SLC9A9: variants seen among roughly 807,000 people sequenced by gnomAD.
SLC9A9 encodes solute carrier family 9 member A9, also known as sodium/hydrogen exchanger 9.
A neutral mutation model predicts 77.8 loss-of-function variants in SLC9A9; 62 were observed. That is an observed-to-expected ratio of 0.80 (90% CI 0.65 to 0.98). SLC9A9 has a LOEUF of 0.98. SLC9A9 is among the 50% of genes least tolerant of loss of function. The pLI, the probability that SLC9A9 is intolerant of heterozygous loss-of-function variation, is 0.00. For missense variants in SLC9A9, 775 were observed against 774.9 expected, an observed-to-expected ratio of 1.00 and a Z score of 0.00; for synonymous variants, 320 against 283.5, an observed-to-expected ratio of 1.13 and a Z score of -1.29.
intron 12 of SLC9A9, among the ~76,000 whole-genome samples, chr3:143,455,499 T>C (rs2035075263): frequency 6.6e-6 from 1 of 152,210 alleles, no homozygotes; most frequent in Non-Finnish European, 1.5e-5. Flanking sequence ...CTGGATCAAT[T>C]TACAGAAAAT....
chr3:143,717,885 T>A (rs1934395739), intron 4 of SLC9A9, among the ~76,000 whole-genome samples: 1 of 152,098 alleles, frequency 6.6e-6, no homozygotes, highest in Non-Finnish European at 1.5e-5. Flanking sequence ...GCAAATGGCC[T>A]TGTCCATTTG....
chr3:143,596,753 C>T (rs141056920), intron 6 of SLC9A9, among the ~76,000 whole-genome samples: 2 of 152,256 alleles, frequency 1.3e-5, no homozygotes, highest in African/African-American at 4.8e-5. Flanking sequence ...GCCTCGACCT[C>T]CTGGGCTCAA....
At chr3:143,444,889 T>A (rs1227691676) in intron 12 of SLC9A9, among the ~76,000 whole-genome samples, 2 of 152,242 alleles carry the variant, frequency 1.3e-5, no homozygotes, top group Non-Finnish European at 2.9e-5. Context: ...CTGGCCCATG[T>A]GGGCATTTGT....
chr3:143,371,626 G>A (rs1158670262), intron 13 of SLC9A9, among the ~76,000 whole-genome samples: 2 of 152,076 alleles, frequency 1.3e-5, no homozygotes, highest in Admixed American at 6.6e-5. Context: ...TAAAAAATAT[G>A]GTAGGGAATT....
chr3:143,302,540 GGGA>G (rs2030566985), intron 14 of SLC9A9, among the ~76,000 whole-genome samples: 2 of 152,122 alleles, frequency 1.3e-5, no homozygotes, highest in African/African-American at 4.8e-5. Context: ...TGGAGTGGCG[GGGA>G]GGAGGAGAGA....
At chr3:143,657,648 G>A (rs1310904451) in intron 5 of SLC9A9, among the ~76,000 whole-genome samples, 2 of 152,164 alleles carry the variant, frequency 1.3e-5, no homozygotes, top group African/African-American at 4.8e-5. Context: ...AGCAAGATAT[G>A]AGAATCCAGC....
chr3:143,327,835 G>A (rs1252602744), intron 14 of SLC9A9, among the ~76,000 whole-genome samples: 1 of 152,192 alleles, frequency 6.6e-6, no homozygotes, highest in African/African-American at 2.4e-5. Context: ...AAAAAATCAT[G>A]AGATCATTTT....
chr3:143,783,040 CCTAA>C (rs1359839350), intron 4 of SLC9A9, among the ~76,000 whole-genome samples: 1 of 152,118 alleles, frequency 6.6e-6, no homozygotes, highest in Non-Finnish European at 1.5e-5. Flanking sequence ...TTCATAACCT[CCTAA>C]CTGTTATCTT....
intron 9 of SLC9A9, among the ~76,000 whole-genome samples, chr3:143,544,186 T>C (rs1350231367): frequency 6.6e-6 from 1 of 152,220 alleles, no homozygotes; most frequent in Non-Finnish European, 1.5e-5. Context: ...GAAGTGTCTG[T>C]TCATGTCCTT....
chr3:143,812,128 C>A (rs1350327997), intron 2 of SLC9A9, among the ~76,000 whole-genome samples: 1 of 152,104 alleles, frequency 6.6e-6, no homozygotes, highest in Admixed American at 6.6e-5. Flanking sequence ...TTTACACAAG[C>A]AGAATTAAAT....
intron 6 of SLC9A9, among the ~76,000 whole-genome samples, chr3:143,643,966 T>C (rs1353123695): frequency 7.7e-6 from 1 of 129,506 alleles, no homozygotes; most frequent in Non-Finnish European, 1.7e-5. Flanking sequence ...TGAAATGTTA[T>C]TTTGAGCTAA....
chr3:143,655,042 T>C (rs1008941859), intron 5 of SLC9A9, among the ~76,000 whole-genome samples: 1 of 152,104 alleles, frequency 6.6e-6, no homozygotes. Context: ...TGTGAAGAAA[T>C]GGAATAGTTT....
At chr3:143,507,553 T>C (rs749441846) in intron 9 of SLC9A9, among the ~76,000 whole-genome samples, 2 of 152,204 alleles carry the variant, frequency 1.3e-5, no homozygotes, top group South Asian at 2.1e-4. Context: ...GTGCATTTGT[T>C]ACAATTAATG....
intron 11 of SLC9A9, among the ~76,000 whole-genome samples, chr3:143,490,143 A>G (rs545030795): frequency 5.9e-5 from 9 of 152,310 alleles, no homozygotes; most frequent in African/African-American, 1.9e-4. Flanking sequence ...TAGAATTACT[A>G]TATGACCCAG....
At chr3:143,697,305 C>T (rs946235461) in intron 4 of SLC9A9, among the ~76,000 whole-genome samples, 12 of 152,026 alleles carry the variant, frequency 7.9e-5, no homozygotes, top group Admixed American at 5.9e-4. Context: ...TAGATGCATA[C>T]AGCCTCATGT....
intron 12 of SLC9A9, among the ~76,000 whole-genome samples, chr3:143,416,584 A>G (rs1343864167): frequency 6.6e-6 from 1 of 152,134 alleles, no homozygotes; most frequent in Non-Finnish European, 1.5e-5. Flanking sequence ...AGGTCTGGAT[A>G]TATATATTTT....
chr3:143,494,495 A>G (rs560357420), intron 10 of SLC9A9, among the ~76,000 whole-genome samples: 1 of 152,346 alleles, frequency 6.6e-6, no homozygotes, highest in South Asian at 2.1e-4. Context: ...TGAATGCTCA[A>G]TGAAAAGAGA....
At chr3:143,844,713 CTTTCTTTCTTTCTTT>C (rs2009786375) in intron 1 of SLC9A9, among the ~76,000 whole-genome samples, 2 of 4,812 alleles carry the variant, frequency 4.2e-4, no homozygotes, top group African/African-American at 2.7e-3. Flanking sequence ...CTTTCTTTCT[CTTTCTTTCTTTCTTT>C]CTTTCTTTCT....
At chr3:143,703,393 A>G (rs1933862279) in intron 4 of SLC9A9, among the ~76,000 whole-genome samples, 1 of 146,038 alleles carries the variant, frequency 6.8e-6, no homozygotes, top group Non-Finnish European at 1.5e-5. Flanking sequence ...GGAATAAAAC[A>G]AAAAAATAGT....
Sources: gnomAD v4.1 joint callset for allele counts (sites outside exome capture counted in the v4.1 genomes callset) on GRCh38, gnomAD v4.1.1 for gene constraint, MANE v1.5 for transcripts, NCBI Gene and HGNC (gene_info 2026-07-23, HGNC 2026-07-21) for gene names.